Variants in IPCEF1 observed in about 807,000 individuals in gnomAD.
The protein encoded by IPCEF1 is interactor protein for cytohesin exchange factors 1.
A neutral mutation model predicts 50.9 loss-of-function variants in IPCEF1; 31 were observed. That is an observed-to-expected ratio of 0.61 (90% confidence interval 0.46 to 0.82). The LOEUF is 0.82. Among genes scored for constraint, IPCEF1 ranks in the 40% least tolerant of loss-of-function variants. IPCEF1 has a pLI of 0.00. For synonymous variants in IPCEF1, 181 were observed against 192.0 expected, an observed-to-expected ratio of 0.94 and a Z score of 0.47; for missense variants, 458 against 514.0, an observed-to-expected ratio of 0.89 and a Z score of 1.05.
chr6:154,278,251 G>A (rs1782115048), intron 2 of IPCEF1, among the ~76,000 whole-genome samples: 1 of 150,810 alleles, frequency 6.6e-6, no homozygotes, highest in African/African-American at 2.5e-5. Context: ...CACTTCATGG[G>A]ATTTTACATC....
At chr6:154,313,151 C>T (rs1002183199) in intron 1 of IPCEF1, among the ~76,000 whole-genome samples, 2 of 149,396 alleles carry the variant, frequency 1.3e-5, no homozygotes, top group African/African-American at 4.9e-5. Flanking sequence ...GAGGGCAGAT[C>T]ACCCGAGGTC....
At position 154,223,179 on chromosome 6, in the gene IPCEF1, T is replaced by C; in HGVS notation, c.311A>G (p.Lys104Arg). 3 of 1,613,580 alleles carry C rather than the reference T, an allele frequency of 1.9e-6. No individual in the cohort carries two copies. Among genetic ancestry groups the C allele is most frequent in the Non-Finnish European group, 2.5e-6 (3 of 1,179,680 alleles). ...DFTVERASEC[K>R]KKHAFKISHP... Reference sequence around the variant, plus strand: ...ATGAGAGACAACTTACTGCTTTTTCTTGCATTCAGATGCTCTTTCCACAGT... The same window carrying C: ...ATGAGAGACAACTTACTGCTTTTTCCTGCATTCAGATGCTCTTTCCACAGT... Residue 104 changes from lysine (K) to arginine (R), a missense_variant, in exon 6 of 12, where the codon AAG (lysine) becomes AGG (arginine). By Grantham distance (26) the Lys-to-Arg change is conservative. Coordinates refer to ENST00000367220, the MANE Select transcript of IPCEF1 (RefSeq NM_001130700.2).
At chr6:154,291,607 A>G (rs986933234) in intron 1 of IPCEF1, among the ~76,000 whole-genome samples, 3 of 149,614 alleles carry the variant, frequency 2.0e-5, no homozygotes, top group African/African-American at 5.0e-5. Context: ...GTTCACCCCT[A>G]TATACTTCAG....
intron 2 of IPCEF1, among the ~76,000 whole-genome samples, chr6:154,273,724 C>CTTTTTTTTTTTTTTTTTTTTTTTTTT (rs71021036): frequency 1.6e-5 from 1 of 63,316 alleles, no homozygotes; most frequent in Non-Finnish European, 3.2e-5. Context: ...TTCTTTCTTT[C>CTTTTTTTTTTTTTTTTTTTTTTTTTT]TTTTTTTTTT....
At chr6:154,170,924 G>A (rs1799821099) in intron 10 of IPCEF1, among the ~76,000 whole-genome samples, 1 of 152,182 alleles carries the variant, frequency 6.6e-6, no homozygotes, top group Admixed American at 6.5e-5. Flanking sequence ...GGGCTGGAGT[G>A]CAGTGGCATG....
intron 11 of IPCEF1, among the ~76,000 whole-genome samples, chr6:154,162,544 G>C (rs971558347): frequency 6.6e-6 from 1 of 152,132 alleles, no homozygotes; most frequent in Non-Finnish European, 1.5e-5. Flanking sequence ...CCTCCTTCTT[G>C]AACAGTTTCA....
intron 1 of IPCEF1, among the ~76,000 whole-genome samples, chr6:154,308,702 G>A (rs1447310449): frequency 6.6e-6 from 1 of 151,986 alleles, no homozygotes; most frequent in Non-Finnish European, 1.5e-5. Flanking sequence ...CTGAAACTGG[G>A]GATAAAACTA....
At chr6:154,302,983 A>G (rs947500174) in intron 1 of IPCEF1, among the ~76,000 whole-genome samples, 1 of 151,994 alleles carries the variant, frequency 6.6e-6, no homozygotes, top group African/African-American at 2.4e-5. Context: ...CACCATCACT[A>G]CTTATCATCT....
At chr6:154,280,419 T>C (rs1313707088) in intron 2 of IPCEF1, among the ~76,000 whole-genome samples, 1 of 150,398 alleles carries the variant, frequency 6.6e-6, no homozygotes, top group African/African-American at 2.5e-5. Context: ...GTAAATCATT[T>C]AAAAAATTGT....
chr6:154,161,123 CT>C (rs1284198644), intron 11 of IPCEF1, among the ~76,000 whole-genome samples: 1 of 152,190 alleles, frequency 6.6e-6, no homozygotes, highest in African/African-American at 2.4e-5. Context: ...TCTTCCTTGC[CT>C]TTCTTCACCT....
chr6:154,246,894 G>T, intron 4 of IPCEF1, 134 bp from the exon 5 acceptor site: 15 of 721,378 alleles, frequency 2.1e-5, no homozygotes, highest in Non-Finnish European at 2.0e-5. Context: ...TTTTCACCAA[G>T]ATTTATGCAA....
At chr6:154,230,886 TA>T (rs1779663421) in intron 5 of IPCEF1, among the ~76,000 whole-genome samples, 2 of 152,206 alleles carry the variant, frequency 1.3e-5, no homozygotes, top group African/African-American at 2.4e-5. Flanking sequence ...AAAAAACAGC[TA>T]AAAAAATTTC....
intron 1 of IPCEF1, among the ~76,000 whole-genome samples, chr6:154,310,042 G>A (rs1378304593): frequency 6.6e-6 from 1 of 152,124 alleles, no homozygotes; most frequent in African/African-American, 2.4e-5. Context: ...AGGATCACAG[G>A]CGTGAGCCAC....
intron 11 of IPCEF1, among the ~76,000 whole-genome samples, chr6:154,164,404 C>T (rs1418299192): frequency 6.6e-6 from 1 of 152,134 alleles, no homozygotes; most frequent in Non-Finnish European, 1.5e-5. Flanking sequence ...GACAATAATA[C>T]AGAAGAAGGA....
chr6:154,236,780 A>G (rs749347469), intron 5 of IPCEF1, among the ~76,000 whole-genome samples: 4 of 152,134 alleles, frequency 2.6e-5, no homozygotes, highest in African/African-American at 9.7e-5. Context: ...GTTTGCCTAG[A>G]TTGTCAAGGA....
At chr6:154,172,800 G>A (rs972042162) in intron 10 of IPCEF1, among the ~76,000 whole-genome samples, 20 of 152,382 alleles carry the variant, frequency 1.3e-4, no homozygotes, top group African/African-American at 4.6e-4. Context: ...GCTCTGAAGA[G>A]AGCAGTGGTT....
chr6:154,161,513 T>C (rs1435478566), intron 11 of IPCEF1, among the ~76,000 whole-genome samples: 4 of 152,080 alleles, frequency 2.6e-5, no homozygotes, highest in African/African-American at 9.7e-5. Context: ...GCACCTGGCC[T>C]ACCCAATTTT....
intron 10 of IPCEF1, among the ~76,000 whole-genome samples, chr6:154,197,915 T>A (rs1185337077): frequency 6.6e-6 from 1 of 152,234 alleles, no homozygotes; most frequent in Non-Finnish European, 1.5e-5. Flanking sequence ...ATAGATGTAG[T>A]ACTTTTTATT....
At chr6:154,250,420 A>T (rs1528048) in intron 3 of IPCEF1, among the ~76,000 whole-genome samples, 128,543 of 152,258 alleles carry the variant, frequency 0.84, 55,111 homozygotes, top group African/African-American at 0.89. Flanking sequence ...AAATTATTCT[A>T]AAAATCTGAT....
Sources: allele counts gnomAD v4.1 joint callset (sites outside exome capture counted in the v4.1 genomes callset), GRCh38; gene constraint gnomAD v4.1.1; transcripts MANE v1.5; gene names NCBI Gene and HGNC (gene_info 2026-07-23, HGNC 2026-07-21).